The following STXBP6 variants were observed in gnomAD, a reference collection of about 807,000 sequenced individuals.
STXBP6 encodes syntaxin-binding protein 6.
STXBP6 carries 21 observed loss-of-function variants against 26.9 expected under a neutral mutation model. That is an observed-to-expected ratio of 0.78 (90% CI 0.55 to 1.12). STXBP6 has a LOEUF of 1.12. Ranked by LOEUF, STXBP6 falls within the 50% of genes most tolerant of loss-of-function variation. The probability of loss-of-function intolerance (pLI) is 0.00; values close to 1 mark genes in which losing one functional copy is unlikely to be tolerated. For missense variants in STXBP6, 232 were observed against 257.9 expected (o/e 0.90, Z 0.69); for synonymous variants, 97 against 92.6 (o/e 1.05, Z -0.27).
intron 1 of STXBP6, among the ~76,000 whole-genome samples, chr14:24,983,923 A>T (rs1566535132): frequency 6.6e-6 from 1 of 152,256 alleles, no homozygotes; most frequent in Non-Finnish European, 1.5e-5. Flanking sequence ...AAATTTTTTA[A>T]ATCAGAGCAA....
chr14:24,959,199 T>G (rs1456062223), intron 2 of STXBP6, among the ~76,000 whole-genome samples: 1 of 152,224 alleles, frequency 6.6e-6, no homozygotes, highest in Non-Finnish European at 1.5e-5. Flanking sequence ...TTTTGTAAAC[T>G]GTATTATTTC....
chr14:24,872,515 T>C (rs2069974411), intron 2 of STXBP6, among the ~76,000 whole-genome samples: 1 of 152,050 alleles, frequency 6.6e-6, no homozygotes, highest in Non-Finnish European at 1.5e-5. Context: ...GTTGACAAAA[T>C]CATGACAATT....
intron 4 of STXBP6, among the ~76,000 whole-genome samples, chr14:24,835,861 G>A (rs2068595871): frequency 6.6e-6 from 1 of 152,148 alleles, no homozygotes; most frequent in African/African-American, 2.4e-5. Flanking sequence ...CCATCTTTGT[G>A]GATGGAGACA....
At chr14:25,012,854 G>T (rs953281155) in intron 1 of STXBP6, among the ~76,000 whole-genome samples, 6 of 152,152 alleles carry the variant, frequency 3.9e-5, no homozygotes, top group African/African-American at 1.2e-4. Context: ...GACTATTAAG[G>T]TTATATATCA....
intron 1 of STXBP6, among the ~76,000 whole-genome samples, chr14:25,032,727 C>T (rs1009483622): frequency 4.6e-5 from 7 of 152,172 alleles, no homozygotes; most frequent in Non-Finnish European, 7.3e-5. Context: ...ACAAAGTTAC[C>T]AAATACATAA....
intron 1 of STXBP6, among the ~76,000 whole-genome samples, chr14:25,002,771 CT>C (rs201767387): frequency 0.14 from 20,043 of 148,426 alleles, 1,820 homozygotes; most frequent in African/African-American, 0.27. Context: ...TGTACAGATT[CT>C]TTTTTTTTTT....
At chr14:24,830,666 CAG>C (rs945999388) in intron 4 of STXBP6, among the ~76,000 whole-genome samples, 1 of 152,112 alleles carries the variant, frequency 6.6e-6, no homozygotes, top group African/African-American at 2.4e-5. Flanking sequence ...GTAAGTCAAA[CAG>C]ATATTCCTGT....
chr14:24,927,848 C>A (rs2072234196), intron 2 of STXBP6, among the ~76,000 whole-genome samples: 1 of 152,128 alleles, frequency 6.6e-6, no homozygotes, highest in South Asian at 2.1e-4. Flanking sequence ...TTTATACTTG[C>A]AACTTTAATA....
rs559251568 is a variant in STXBP6, at chr14:24,976,695, G to A, written c.-32-1845C>T. Among the ~76,000 whole-genome samples, 6 of 152,050 alleles carry A rather than the reference G, an allele frequency of 3.9e-5. 1 individual carries two copies. The South Asian group carries it at 1.3e-3, about 32-fold the overall frequency. On this transcript the variant is annotated intron_variant, in intron 1 of 5. Transcript: ENST00000323944. ...GGGACTTTTATTTATTTTTTTTAAA[G>A]AAAGAAACACATACTGGTTATTTTC...
intron 4 of STXBP6, among the ~76,000 whole-genome samples, chr14:24,826,515 CT>C (rs993110954): frequency 2.6e-5 from 4 of 152,200 alleles, no homozygotes. Context: ...GAGTCTGCCC[CT>C]ACTGTTACTT....
intron 2 of STXBP6, among the ~76,000 whole-genome samples, chr14:24,936,678 A>G (rs1320684937): frequency 6.6e-6 from 1 of 152,174 alleles, no homozygotes; most frequent in Non-Finnish European, 1.5e-5. Flanking sequence ...TTACACTCCC[A>G]CCAACAGTGT....
At chr14:24,992,892 G>A (rs1221828594) in intron 1 of STXBP6, among the ~76,000 whole-genome samples, 2 of 152,298 alleles carry the variant, frequency 1.3e-5, no homozygotes, top group Admixed American at 6.5e-5. Context: ...TAGAGCATCT[G>A]AACTGTTGAC....
intron 4 of STXBP6, among the ~76,000 whole-genome samples, chr14:24,855,694 A>T (rs936993039): frequency 3.3e-5 from 5 of 152,104 alleles, no homozygotes; most frequent in African/African-American, 1.2e-4. Flanking sequence ...AGCTAAGTGC[A>T]GATAAGAACT....
intron 1 of STXBP6, among the ~76,000 whole-genome samples, chr14:24,982,745 A>G (rs1595248247): frequency 6.6e-6 from 1 of 152,352 alleles, no homozygotes; most frequent in East Asian, 1.9e-4. Context: ...TATGTCCAGT[A>G]TACACATTCT....
At chr14:24,925,596 C>T (rs2072134484) in intron 2 of STXBP6, among the ~76,000 whole-genome samples, 1 of 152,156 alleles carries the variant, frequency 6.6e-6, no homozygotes, top group South Asian at 2.1e-4. Context: ...GTGGCTTCAG[C>T]ATTTCTCCAC....
At chr14:24,913,282 C>T (rs751597192) in intron 2 of STXBP6, among the ~76,000 whole-genome samples, 2 of 152,106 alleles carry the variant, frequency 1.3e-5, no homozygotes, top group Non-Finnish European at 2.9e-5. Flanking sequence ...AGGAATGGGT[C>T]ATCTGCTATA....
intron 2 of STXBP6, among the ~76,000 whole-genome samples, chr14:24,879,084 T>C (rs1258434486): frequency 6.6e-6 from 1 of 152,052 alleles, no homozygotes; most frequent in Non-Finnish European, 1.5e-5. Flanking sequence ...AATGGTCAGG[T>C]GAATTTAAAC....
At chr14:24,894,774 A>G (rs2070924826) in intron 2 of STXBP6, among the ~76,000 whole-genome samples, 1 of 152,268 alleles carries the variant, frequency 6.6e-6, no homozygotes, top group South Asian at 2.1e-4. Context: ...ATTGTGTACA[A>G]AGTGGTAGCT....
intron 4 of STXBP6, among the ~76,000 whole-genome samples, chr14:24,833,752 G>A (rs10136693): frequency 0.21 from 31,846 of 151,952 alleles, 5,290 homozygotes; most frequent in African/African-American, 0.46. Flanking sequence ...ATATAATTAT[G>A]TACAAAATAT....
Sources: allele counts gnomAD v4.1 joint callset (sites outside exome capture counted in the v4.1 genomes callset), GRCh38; gene constraint gnomAD v4.1.1; transcripts MANE v1.5; gene names NCBI Gene and HGNC (gene_info 2026-07-23, HGNC 2026-07-21).